The following MAP3K5 variants were observed in gnomAD, a reference collection of about 807,000 sequenced individuals.
The protein encoded by MAP3K5 is ASK-1.
In MAP3K5, 56 loss-of-function variants were observed where a neutral mutation model predicts 158.7. The ratio of observed to expected loss-of-function variants is 0.35; its 90% CI spans 0.28 to 0.44. The LOEUF (loss-of-function observed/expected upper bound fraction) is 0.44, where lower values mean the gene tolerates loss of function less well. Among genes scored for constraint, MAP3K5 ranks in the 20% least tolerant of loss-of-function variants. The pLI is 1.00. For missense variants in MAP3K5, 1,294 were observed against 1,674.8 expected, an observed-to-expected ratio of 0.77 and a Z score of 3.97; for synonymous variants, 579 against 601.7, an observed-to-expected ratio of 0.96 and a Z score of 0.55.
chr6:136,694,993 C>G (rs1294346102), intron 6 of MAP3K5, among the ~76,000 whole-genome samples: 2 of 151,336 alleles, frequency 1.3e-5, no homozygotes, highest in Non-Finnish European at 2.9e-5. Flanking sequence ...CCAGAATAGG[C>G]AAATCTGTAA....
intron 9 of MAP3K5, among the ~76,000 whole-genome samples, chr6:136,658,305 CTTTCTTTCTTTT>C (rs1778846483): frequency 8.9e-6 from 1 of 112,236 alleles, no homozygotes; most frequent in Non-Finnish European, 1.8e-5. Flanking sequence ...TTCTTTCTTT[CTTTCTTTCTTTT>C]TTTTTTTTTT....
chr6:136,731,808 C>CAAA (rs1429469274), intron 1 of MAP3K5, among the ~76,000 whole-genome samples: 2 of 152,126 alleles, frequency 1.3e-5, no homozygotes, highest in Non-Finnish European at 2.9e-5. Context: ...TGGCAAAGAA[C>CAAA]AAAAGGTGAT....
At chr6:136,633,569 G>A (rs1244906197) in intron 14 of MAP3K5, among the ~76,000 whole-genome samples, 1 of 152,076 alleles carries the variant, frequency 6.6e-6, no homozygotes, top group African/African-American at 2.4e-5. Flanking sequence ...ACCCCAGCCT[G>A]GAGTTCTTAG....
chr6:136,721,555 C>G (rs549461052), intron 1 of MAP3K5, among the ~76,000 whole-genome samples: 3 of 151,834 alleles, frequency 2.0e-5, no homozygotes, highest in African/African-American at 7.3e-5. Context: ...TGGCTATAAA[C>G]AAAAATATGA....
chr6:136,670,466 A>G (rs1779434955), intron 7 of MAP3K5, among the ~76,000 whole-genome samples: 1 of 148,746 alleles, frequency 6.7e-6, no homozygotes, highest in South Asian at 2.1e-4. Context: ...CTAACAAATG[A>G]CCATTTGATG....
intron 1 of MAP3K5, among the ~76,000 whole-genome samples, chr6:136,755,885 G>C (rs1450124144): frequency 6.6e-6 from 1 of 151,994 alleles, no homozygotes; most frequent in Non-Finnish European, 1.5e-5. Context: ...TCTAGTCAGG[G>C]TGACTAGAGA....
chr6:136,753,280 CT>C (rs892662497), intron 1 of MAP3K5, among the ~76,000 whole-genome samples: 1 of 151,904 alleles, frequency 6.6e-6, no homozygotes, highest in East Asian at 1.9e-4. Flanking sequence ...GCCTTTACTG[CT>C]TTTTTTTCAA....
intron 21 of MAP3K5, among the ~76,000 whole-genome samples, chr6:136,594,306 T>C (rs1241529170): frequency 6.6e-6 from 1 of 152,142 alleles, no homozygotes; most frequent in Admixed American, 6.5e-5. Flanking sequence ...AGTAAGGTTG[T>C]CTGAGAGAAG....
chr6:136,673,791 T>C (rs866452967), intron 7 of MAP3K5, among the ~76,000 whole-genome samples: 2 of 149,820 alleles, frequency 1.3e-5, no homozygotes, highest in Admixed American at 1.3e-4. Context: ...TGGTCTAACC[T>C]ATGTATTACT....
intron 1 of MAP3K5, among the ~76,000 whole-genome samples, chr6:136,746,286 GA>G (rs1387996352): frequency 1.4e-5 from 2 of 141,612 alleles, no homozygotes; most frequent in Non-Finnish European, 2.9e-5. Flanking sequence ...ATAAAATTTT[GA>G]GGGGGGGGCA....
intron 8 of MAP3K5, among the ~76,000 whole-genome samples, chr6:136,666,954 T>A (rs1490138413): frequency 3.3e-5 from 5 of 152,244 alleles, no homozygotes; most frequent in African/African-American, 4.8e-5. Flanking sequence ...GTATTACAAG[T>A]GAGTTCTTCC....
Position 136,698,518 on chromosome 6 carries a change from T to G in MAP3K5, c.777A>C (p.Gln259His), listed in dbSNP as rs1283071979. Residue 259 changes from glutamine to histidine, a missense_variant, in exon 4 of 30, where the codon CAA becomes CAC. Coordinates refer to ENST00000359015, the MANE Select transcript of MAP3K5 (RefSeq NM_005923.4). ...AACTTGCTTGTGCCACCTTCAAAAGTTGAATAAAACGATCCACAAGAGGTA... is the reference window on the plus strand; with the variant it reads ...AACTTGCTTGTGCCACCTTCAAAAGGTGAATAAAACGATCCACAAGAGGTA... ...ICLPLVDRFI[Q>H]LLKVAQASSS... The G allele has an allele frequency of 6.2e-7, 1 of 1,613,658 alleles. No individual in the cohort carries two copies.
chr6:136,610,473 T>TA (rs1333679892), intron 18 of MAP3K5, among the ~76,000 whole-genome samples: 1 of 151,656 alleles, frequency 6.6e-6, no homozygotes, highest in Non-Finnish European at 1.5e-5. Context: ...GGGTTATTTA[T>TA]ATTGTGGAGT....
At chr6:136,558,270 T>C (rs548442920) in intron 29 of MAP3K5, among the ~76,000 whole-genome samples, 35 of 152,070 alleles carry the variant, frequency 2.3e-4, no homozygotes, top group African/African-American at 7.7e-4. Flanking sequence ...TCCCAGCTAC[T>C]TGGGAGGCTG....
At chr6:136,595,303 C>A (rs1775574327) in intron 21 of MAP3K5, among the ~76,000 whole-genome samples, 1 of 152,094 alleles carries the variant, frequency 6.6e-6, no homozygotes, top group Non-Finnish European at 1.5e-5. Flanking sequence ...TAGGGTTTCG[C>A]CATGTCGGCC....
intron 1 of MAP3K5, among the ~76,000 whole-genome samples, chr6:136,784,189 A>C (rs1784742220): frequency 1.3e-5 from 2 of 152,210 alleles, no homozygotes; most frequent in Admixed American, 1.3e-4. Context: ...AGCAGACAAC[A>C]GGTGACCAAA....
At chr6:136,581,921 A>G (rs1441931291) in intron 24 of MAP3K5, among the ~76,000 whole-genome samples, 1 of 152,096 alleles carries the variant, frequency 6.6e-6, no homozygotes, top group Non-Finnish European at 1.5e-5. Flanking sequence ...AATCTCTACT[A>G]AAAATACAAA....
At chr6:136,692,207 T>C (rs1780418765) in intron 7 of MAP3K5, among the ~76,000 whole-genome samples, 1 of 152,122 alleles carries the variant, frequency 6.6e-6, no homozygotes, top group African/African-American at 2.4e-5. Flanking sequence ...ACACCCAGGT[T>C]GCTTAGTAAT....
rs377468746 is a variant in MAP3K5, at chr6:136,790,150, C to G, written c.448+1560G>C. Among the ~76,000 whole-genome samples the G allele has an allele frequency of 1.1e-3, 175 of 152,330 alleles. No individual in the cohort carries two copies. The South Asian group carries it at 0.014, about 12-fold the overall frequency. On this transcript the variant is annotated intron_variant, in intron 1 of 29. Coordinates refer to ENST00000359015, the MANE Select transcript of MAP3K5 (RefSeq NM_005923.4). ...TGTTTGGAGGATTCAATGAAATACA[C>G]TCAAACTTCAGCTCCCTTCTAATCA...
Sources: gnomAD v4.1 joint callset for allele counts (sites outside exome capture counted in the v4.1 genomes callset) on GRCh38, gnomAD v4.1.1 for gene constraint, MANE v1.5 for transcripts, NCBI Gene and HGNC (gene_info 2026-07-23, HGNC 2026-07-21) for gene names.